SLC9A4: variants seen among roughly 807,000 people sequenced by gnomAD.
SLC9A4 encodes sodium/hydrogen exchanger 4.
A neutral mutation model predicts 67.4 loss-of-function variants in SLC9A4; 63 were observed. That is an observed-to-expected ratio of 0.93 (90% confidence interval 0.76 to 1.15). The LOEUF (loss-of-function observed/expected upper bound fraction) is 1.15, where lower values mean the gene tolerates loss of function less well. Ranked by LOEUF, SLC9A4 falls within the 50% of genes most tolerant of loss-of-function variation. SLC9A4 has a pLI of 0.00. For missense variants in SLC9A4, 1,089 were observed against 987.7 expected, an observed-to-expected ratio of 1.10 and a Z score of -1.38; for synonymous variants, 393 against 367.2, an observed-to-expected ratio of 1.07 and a Z score of -0.80.
At chr2:102,500,557 G>A (rs1558665010) in intron 2 of SLC9A4, among the ~76,000 whole-genome samples, 1 of 152,242 alleles carries the variant, frequency 6.6e-6, no homozygotes, top group Admixed American at 6.5e-5. Flanking sequence ...TCAACAAAGT[G>A]TATTGTCAAT....
At chr2:102,482,140 G>A (rs186557772) in intron 2 of SLC9A4, among the ~76,000 whole-genome samples, 36 of 151,940 alleles carry the variant, frequency 2.4e-4, no homozygotes, top group East Asian at 1.5e-3. Context: ...GAAGCTGCCC[G>A]GGGAGTCTGG....
chr2:102,512,239 T>A lies in SLC9A4; in HGVS notation c.1525T>A (p.Cys509Ser), dbSNP rs763677901. 1 of 1,613,960 alleles carries A rather than the reference T, an allele frequency of 6.2e-7. No individual in the cohort carries two copies. Among genetic ancestry groups the A allele is most frequent in the Non-Finnish European group, 8.5e-7 (1 of 1,179,984 alleles). ...DHLKAGIEDV[C>S]GHWSHYQVRD... is the part of the protein sequence containing the mutation. ...CTTAAAGGCTGGAATCGAAGATGTG[T>A]GTGGGCACTGGAGTCACTACCAAGT... is the stretch of plus-strand genomic sequence containing the variant. Residue 509 changes from cysteine (C) to serine (S), a missense_variant, in exon 7 of 12, where the codon TGT (cysteine) becomes AGT (serine). Cys to Ser is a moderately radical substitution (Grantham distance 112). Transcript: ENST00000295269.
intron 9 of SLC9A4, among the ~76,000 whole-genome samples, chr2:102,520,367 A>C (rs1685379527): frequency 6.6e-6 from 1 of 152,194 alleles, no homozygotes; most frequent in South Asian, 2.1e-4. Flanking sequence ...TTTAGGTTAC[A>C]ATATTGAAAC....
At chr2:102,505,107 G>T in intron 3 of SLC9A4, 147 bp from the exon 4 acceptor site, 4 of 719,670 alleles carry the variant, frequency 5.6e-6, no homozygotes, top group Non-Finnish European at 9.0e-6. Context: ...GAAAATCTGC[G>T]GAAAATCTGC....
chr2:102,502,530 C>A (rs73944371), intron 2 of SLC9A4, among the ~76,000 whole-genome samples: 7 of 152,120 alleles, frequency 4.6e-5, no homozygotes, highest in African/African-American at 1.7e-4. Flanking sequence ...TCTATGTACC[C>A]TAGGGCTGAG....
chr2:102,509,289 A>G (rs1685110345), intron 6 of SLC9A4, among the ~76,000 whole-genome samples: 1 of 152,182 alleles, frequency 6.6e-6, no homozygotes, highest in Non-Finnish European at 1.5e-5. Flanking sequence ...CAAAGGCTGC[A>G]TCCCTCCAAC....
Position 102,522,978 on chromosome 2 carries a change from C to T in SLC9A4, c.1819-2046C>T, listed in dbSNP as rs144316406. Among the ~76,000 whole-genome samples the T allele has an allele frequency of 9.2e-3, 1,402 of 152,072 alleles. 11 individuals carry two copies. The highest frequency in any genetic ancestry group is 0.025 in the South Asian group (119 of 4,808). ...CAGTTTATGCCTTCTTTTCTTTTCC[C>T]TTGGAGACAGTTGTCAGTCTCACTC... On this transcript the variant is annotated intron_variant, in intron 9 of 11. Transcript: ENST00000295269.
chr2:102,474,440 C>T (rs1161526712), intron 1 of SLC9A4, among the ~76,000 whole-genome samples: 2 of 152,222 alleles, frequency 1.3e-5, no homozygotes, highest in East Asian at 1.9e-4. Context: ...ATCAATCACC[C>T]CATTGTTTAT....
chr2:102,479,236 G>T lies in SLC9A4; in HGVS notation c.654G>T (p.Ala218=). The change falls in exon 2 of 12, where the codon GCG becomes GCT. Residue 218 remains alanine (A), a synonymous_variant. Coordinates refer to ENST00000295269, the MANE Select transcript of SLC9A4 (RefSeq NM_001011552.4). ...CCGTGCTAGCCGTGTTTGAGGAAGC[G>T]CGCGTGAACGAGCAGCTCTACATGA... ...PVAVLAVFEE[A]RVNEQLYMMI... is the part of the protein sequence containing the mutation. 6.2e-7 allele frequency: 1 copy of T among 1,614,158 alleles called. No homozygotes were observed. The highest frequency in any genetic ancestry group is 8.5e-7 in the Non-Finnish European group (1 of 1,180,038).
Position 102,532,632 on chromosome 2 carries a change from C to T in SLC9A4, c.2341C>T (p.His781Tyr), listed in dbSNP as rs903033584. 2 of 1,613,880 alleles carry T rather than the reference C, an allele frequency of 1.2e-6. No homozygotes were observed. The highest frequency in any genetic ancestry group is 8.5e-7 in the Non-Finnish European group (1 of 1,179,984). ...GGTTCGGTCGAGGTGGACAGCTGAC[C>T]ATGGACACGGCAGGGACCATCACAG... Reference protein sequence around the residue: ...VEVRSRWTADHGHGRDHHRSH... With the variant: ...VEVRSRWTADYGHGRDHHRSH... The change falls in exon 12 of 12, where the codon CAT becomes TAT. Residue 781 changes from histidine (H) to tyrosine (Y), a missense_variant. By Grantham distance (83) the His-to-Tyr change is moderately conservative (BLOSUM62 2). Transcript: ENST00000295269.
chr2:102,530,115 C>A (rs1674748862), intron 11 of SLC9A4, among the ~76,000 whole-genome samples: 1 of 152,240 alleles, frequency 6.6e-6, no homozygotes, highest in South Asian at 2.1e-4. Context: ...GTATATTTTA[C>A]CACAAGTTTA....
chr2:102,525,137 C>A lies in SLC9A4; in HGVS notation c.1932C>A (p.Ser644Arg), dbSNP rs769929979. 6.8e-6 allele frequency: 11 copies of A among 1,613,966 alleles called. No individual in the cohort carries two copies. Among genetic ancestry groups the A allele is most frequent in the Middle Eastern group, 3.3e-4 (2 of 6,060 alleles). ...GGGAGAGCATGAGGAAAGGTCACAG[C>A]CTGCCCTGGGGAAAGCCGGTACATT... ...TLRESMRKGH[S>R]LPWGKPAGTK... The change falls in exon 10 of 12, where the codon AGC becomes AGA. Residue 644 changes from serine (S) to arginine (R), a missense_variant. Physicochemically the swap from Ser to Arg is moderately radical, Grantham distance 110. Coordinates refer to ENST00000295269, the MANE Select transcript of SLC9A4 (RefSeq NM_001011552.4).
Position 102,508,951 on chromosome 2 carries a change from C to T in SLC9A4, c.1488+18C>T. ...ATATTCGTGTAAGTTATCTCATAGT[C>T]ACAATTAATAAATTAACAAGACATT... On this transcript the variant is annotated intron_variant, in intron 6 of 11. Transcript: ENST00000295269. The T allele has an allele frequency of 6.3e-7, 1 of 1,579,944 alleles. No homozygotes were observed. The highest frequency in any genetic ancestry group is 8.7e-7 in the Non-Finnish European group (1 of 1,155,538).
In SLC9A4 at chr2:102,505,247, T is replaced by G. The variant is rs758758888; in HGVS notation, c.981-7T>G. 1 of 1,612,870 alleles carries G rather than the reference T, an allele frequency of 6.2e-7. No individual in the cohort carries two copies. Among genetic ancestry groups the G allele is most frequent in the Non-Finnish European group, 8.5e-7 (1 of 1,179,352 alleles). ...GGATTTTCTCTGAGACTCTGCTCCT[T>G]TTATAGAATCACAGCCTGCGCAGTA... On this transcript the variant is annotated splice_polypyrimidine_tract_variant and splice_region_variant and intron_variant, in intron 3 of 11. Transcript: ENST00000295269.
intron 1 of SLC9A4, among the ~76,000 whole-genome samples, chr2:102,476,157 T>G (rs2104410565): frequency 6.6e-6 from 1 of 152,312 alleles, no homozygotes; most frequent in African/African-American, 2.4e-5. Context: ...CTATATGCAC[T>G]TATAAAACAA....
rs1684261387 is a variant in SLC9A4, at chr2:102,473,386, C to T, written c.-374C>T. ...CTACAGTATCCTTTTAAATTTTCAC[C>T]CACAAGACAAAGCCAGTATGCAGTG... On this transcript the variant is annotated 5_prime_UTR_variant, in exon 1 of 12. Coordinates refer to ENST00000295269, the MANE Select transcript of SLC9A4 (RefSeq NM_001011552.4). 2.7e-5 allele frequency: 6 copies of T among 221,918 alleles called. No homozygotes were observed. The South Asian group carries it at 4.3e-4, about 16-fold the overall frequency. The allele number at this position is 221,918 out of a possible 1,614,324, so 13.7% of individuals were successfully genotyped here.
intron 11 of SLC9A4, among the ~76,000 whole-genome samples, chr2:102,528,597 C>G (rs187921078): frequency 3.3e-4 from 50 of 152,228 alleles, no homozygotes; most frequent in Admixed American, 3.1e-3. Context: ...AGCATCAATA[C>G]TGCATGCCTA....
chr2:102,531,725 T>A (rs911121856), intron 11 of SLC9A4, among the ~76,000 whole-genome samples: 1 of 152,154 alleles, frequency 6.6e-6, no homozygotes, highest in African/African-American at 2.4e-5. Context: ...ATATAGTAAA[T>A]TATCAGGAAA....
chr2:102,514,884 G>A (rs549531127), intron 8 of SLC9A4, among the ~76,000 whole-genome samples: 1 of 152,304 alleles, frequency 6.6e-6, no homozygotes, highest in South Asian at 2.1e-4. Flanking sequence ...GCAGGACATA[G>A]GGAGGGGTGA....
Sources: gnomAD v4.1 joint callset for allele counts (sites outside exome capture counted in the v4.1 genomes callset) on GRCh38, gnomAD v4.1.1 for gene constraint, MANE v1.5 for transcripts, NCBI Gene and HGNC (gene_info 2026-07-23, HGNC 2026-07-21) for gene names.